Variants in GDA observed in about 807,000 individuals in gnomAD.
GDA encodes the protein guanine deaminase.
Under a neutral mutation model 59.6 loss-of-function variants are expected in GDA, and 18 were observed. That is an observed-to-expected ratio of 0.30 (90% CI 0.21 to 0.45). GDA has a LOEUF of 0.45. GDA is among the 20% of genes least tolerant of loss of function. GDA has a pLI of 1.00. For missense variants in GDA, 427 were observed against 552.3 expected (o/e 0.77, Z 2.27); for synonymous variants, 201 against 201.1 (o/e 1.00, Z 0.00).
At chr9:72,230,610 C>T (rs1355085651) in intron 9 of GDA, among the ~76,000 whole-genome samples, 2 of 151,894 alleles carry the variant, frequency 1.3e-5, no homozygotes, top group African/African-American at 4.8e-5. Context: ...TCAGAGGCAG[C>T]GTTTGAACAG....
chr9:72,217,938 G>T (rs1248667613), intron 5 of GDA, among the ~76,000 whole-genome samples: 1 of 150,894 alleles, frequency 6.6e-6, no homozygotes, highest in Non-Finnish European at 1.5e-5. Flanking sequence ...TTTTTAGATG[G>T]AGTCTTCTTC....
chr9:72,116,385 C>CAT (rs1393853035), intron 1 of GDA, among the ~76,000 whole-genome samples: 2 of 82,450 alleles, frequency 2.4e-5, no homozygotes, highest in Admixed American at 1.4e-4. Context: ...GTTTCCCCAG[C>CAT]CTTTTTTTTT....
chr9:72,160,991 C>G (rs1429122879), intron 1 of GDA, among the ~76,000 whole-genome samples: 1 of 152,118 alleles, frequency 6.6e-6, no homozygotes, highest in Non-Finnish European at 1.5e-5. Flanking sequence ...ACTGCAATCT[C>G]CGCTTCCCAA....
chr9:72,242,398 TTAAGTCACTTTAGAATTATACATG>T (rs1376576385), intron 11 of GDA, among the ~76,000 whole-genome samples: 2 of 152,232 alleles, frequency 1.3e-5, no homozygotes, highest in Non-Finnish European at 2.9e-5. Flanking sequence ...CTGTATTTCT[TTAAGTCACTTTAGAATTATACATG>T]TAATCAGAAT....
chr9:72,201,990 G>A (rs1327284242), intron 2 of GDA, among the ~76,000 whole-genome samples: 4 of 152,054 alleles, frequency 2.6e-5, no homozygotes, highest in Non-Finnish European at 4.4e-5. Context: ...TCCTGAGATC[G>A]CCTGTCCCTA....
chr9:72,134,682 G>A (rs1311747904), intron 1 of GDA, among the ~76,000 whole-genome samples: 3 of 152,210 alleles, frequency 2.0e-5, no homozygotes, highest in Non-Finnish European at 4.4e-5. Flanking sequence ...GGGATTACAG[G>A]CGTGAGCCAC....
chr9:72,229,436 T>A (rs981398621), intron 9 of GDA, among the ~76,000 whole-genome samples: 1 of 151,998 alleles, frequency 6.6e-6, no homozygotes, highest in African/African-American at 2.4e-5. Context: ...GAAGATCGTA[T>A]CATCACGGAA....
chr9:72,250,437 A>T lies in GDA; in HGVS notation c.*2095A>T. ...ACCATCCTGTTAAACATTTAAATTT[A>T]GCTCTGATAGTGTGTTAAGACCTGA... On this transcript the variant is annotated 3_prime_UTR_variant, in exon 14 of 14. Transcript: ENST00000358399. 8.1e-7 allele frequency: 1 copy of T among 1,229,216 alleles called. No individual in the cohort carries two copies. The highest frequency in any genetic ancestry group is 1.0e-6 in the Non-Finnish European group (1 of 977,840). The allele number at this position is 1,229,216 out of a possible 1,614,324, so 76.1% of individuals were successfully genotyped here. A position where few individuals can be genotyped will look rare whatever the true frequency, so the allele number is the denominator to read the frequency against.
chr9:72,178,870 G>A (rs1178641418), intron 1 of GDA, among the ~76,000 whole-genome samples: 7 of 152,146 alleles, frequency 4.6e-5, no homozygotes, highest in Non-Finnish European at 1.0e-4. Flanking sequence ...GCTTGTGGCT[G>A]TATTTTTGAC....
intron 1 of GDA, among the ~76,000 whole-genome samples, chr9:72,178,974 CT>C (rs1355539453): frequency 1.3e-5 from 2 of 152,104 alleles, no homozygotes; most frequent in Non-Finnish European, 2.9e-5. Context: ...AACAAACTGT[CT>C]TCTCCAAATT....
At chr9:72,168,001 T>C (rs1421026120) in intron 1 of GDA, among the ~76,000 whole-genome samples, 3 of 152,184 alleles carry the variant, frequency 2.0e-5, no homozygotes, top group African/African-American at 4.8e-5. Context: ...TAGGTCTTAC[T>C]CACATCATTC....
chr9:72,250,241 G>A lies in GDA; in HGVS notation c.*1899G>A. ...TTAGGAATTTAGATGAGATGTGTAAGATTCACTTACAGGCAGTAGCTGCTT... is the reference window on the plus strand; with the variant it reads ...TTAGGAATTTAGATGAGATGTGTAAAATTCACTTACAGGCAGTAGCTGCTT... On this transcript the variant is annotated 3_prime_UTR_variant, in exon 14 of 14. Coordinates refer to ENST00000358399, the MANE Select transcript of GDA (RefSeq NM_004293.5). 1 of 991,056 alleles carries A rather than the reference G, an allele frequency of 1.0e-6. No homozygotes were observed. The highest frequency in any genetic ancestry group is 1.2e-6 in the Non-Finnish European group (1 of 833,906). 61.4% of individuals were successfully genotyped at this position (991,056 alleles called of 1,614,324 possible).
At chr9:72,247,992 C>T (rs1052096999) in intron 13 of GDA, among the ~76,000 whole-genome samples, 2 of 152,110 alleles carry the variant, frequency 1.3e-5, no homozygotes, top group African/African-American at 4.8e-5. Flanking sequence ...TGTAAACCAA[C>T]CACTTCAGCT....
At chr9:72,149,393 T>C (rs991476866), upstream of GDA, 12 of 652,888 alleles carry the variant, frequency 1.8e-5, no homozygotes, top group Middle Eastern at 1.7e-3. Context: ...AGCCAGCCCC[T>C]GGGCGCGGCC....
intron 1 of GDA, among the ~76,000 whole-genome samples, chr9:72,119,118 A>T (rs757564808): frequency 1.8e-4 from 27 of 152,208 alleles, no homozygotes; most frequent in Non-Finnish European, 3.2e-4. Context: ...ATCTATAAAG[A>T]TGTTATCCTA....
Position 72,249,901 on chromosome 9 carries a change from GT to G in GDA, c.*1560del. ...TTTCACATACTTAGCTAATTTAGCA[GT>G]AATTGGCCCAGTTTTTTCCCTAATA... On this transcript the variant is annotated 3_prime_UTR_variant, in exon 14 of 14. Transcript: ENST00000358399. 1.0e-6 allele frequency: 1 copy of G among 969,242 alleles called. No individual in the cohort carries two copies. Among genetic ancestry groups the G allele is most frequent in the Non-Finnish European group, 1.2e-6 (1 of 815,208 alleles). The allele number at this position is 969,242 out of a possible 1,614,324, so 60.0% of individuals were successfully genotyped here.
At chr9:72,193,351 A>T (rs2131243204) in intron 1 of GDA, among the ~76,000 whole-genome samples, 1 of 152,376 alleles carries the variant, frequency 6.6e-6, no homozygotes, top group South Asian at 2.1e-4. Flanking sequence ...CCCCAAGCCC[A>T]GTAATAGTGT....
At chr9:72,171,888 C>T (rs566547261) in intron 1 of GDA, among the ~76,000 whole-genome samples, 12 of 152,214 alleles carry the variant, frequency 7.9e-5, no homozygotes, top group African/African-American at 2.9e-4. Flanking sequence ...ATTTAACACT[C>T]ACAACAACTT....
chr9:72,122,592 T>C (rs1013743803), intron 1 of GDA, among the ~76,000 whole-genome samples: 1 of 151,570 alleles, frequency 6.6e-6, no homozygotes, highest in African/African-American at 2.4e-5. Context: ...TTGCACTTCT[T>C]TATCTCTTAT....
Sources: gnomAD v4.1 joint callset for allele counts (sites outside exome capture counted in the v4.1 genomes callset) on GRCh38, gnomAD v4.1.1 for gene constraint, MANE v1.5 for transcripts, NCBI Gene and HGNC (gene_info 2026-07-23, HGNC 2026-07-21) for gene names.